The following PCDHA3 variants were observed in gnomAD, a reference collection of about 807,000 sequenced individuals.
The protein encoded by PCDHA3 is protocadherin alpha-3.
In PCDHA3, 41 loss-of-function variants were observed where a neutral mutation model predicts 62.2. That is an observed-to-expected ratio of 0.66 (90% confidence interval 0.51 to 0.86). PCDHA3 has a LOEUF of 0.86. PCDHA3 is among the 40% of genes least tolerant of loss of function. PCDHA3 has a pLI of 0.00. For missense variants in PCDHA3, 1,304 were observed against 1,241.2 expected, an observed-to-expected ratio of 1.05 and a Z score of -0.76; for synonymous variants, 640 against 555.4, an observed-to-expected ratio of 1.15 and a Z score of -2.14.
intron 3 of PCDHA3, among the ~76,000 whole-genome samples, chr5:141,000,412 TA>T (rs2097919630): frequency 4.9e-5 from 5 of 102,770 alleles, no homozygotes; most frequent in Non-Finnish European, 5.8e-5. Context: ...TATATATATA[TA>T]TATATATATT....
At chr5:140,965,951 T>C (rs1484541931) in intron 1 of PCDHA3, among the ~76,000 whole-genome samples, 3 of 152,172 alleles carry the variant, frequency 2.0e-5, no homozygotes, top group East Asian at 1.9e-4. Flanking sequence ...GCATTTGCCA[T>C]CCCCCTCCTT....
chr5:140,973,936 G>A (rs2096608372), intron 1 of PCDHA3, among the ~76,000 whole-genome samples: 1 of 152,334 alleles, frequency 6.6e-6, no homozygotes, highest in Admixed American at 6.5e-5. Context: ...AGGTTTAGCT[G>A]AATATGATGG....
chr5:140,887,456 A>G (rs1291884808), intron 1 of PCDHA3, among the ~76,000 whole-genome samples: 1 of 152,138 alleles, frequency 6.6e-6, no homozygotes, highest in Non-Finnish European at 1.5e-5. Flanking sequence ...CAGTTTTTTA[A>G]AAGATATAAT....
chr5:140,924,531 G>A (rs1194516404), intron 1 of PCDHA3, among the ~76,000 whole-genome samples: 2 of 152,070 alleles, frequency 1.3e-5, no homozygotes, highest in African/African-American at 2.4e-5. Flanking sequence ...GAGAATGCCC[G>A]AGCTACCCCT....
intron 1 of PCDHA3, chr5:140,809,167 G>C: frequency 6.2e-7 from 1 of 1,613,990 alleles, no homozygotes; most frequent in South Asian, 1.1e-5. Context: ...CCGCGCTGAC[G>C]GCCACGGCCA....
chr5:140,984,389 A>T (rs1346769556), intron 3 of PCDHA3, among the ~76,000 whole-genome samples: 2 of 152,208 alleles, frequency 1.3e-5, no homozygotes, highest in African/African-American at 4.8e-5. Flanking sequence ...AGATTCAAAA[A>T]ATGTTGAGAA....
chr5:140,829,438 T>G, intron 1 of PCDHA3: 1 of 1,613,992 alleles, frequency 6.2e-7, no homozygotes, highest in Non-Finnish European at 8.5e-7. Flanking sequence ...CCGACATGAA[T>G]GACAATGCTC....
At chr5:140,881,454 C>A in intron 1 of PCDHA3, 1 of 705,924 alleles carries the variant, frequency 1.4e-6, no homozygotes, top group Non-Finnish European at 1.7e-6. Context: ...AATCCAAAAC[C>A]TTAGAGCATT....
At chr5:140,967,695 T>G in intron 1 of PCDHA3, 1 of 1,614,184 alleles carries the variant, frequency 6.2e-7, no homozygotes, top group Non-Finnish European at 8.5e-7. Flanking sequence ...CTCTTCAGCA[T>G]AGATGCCAGT....
At chr5:140,883,686 A>T in intron 1 of PCDHA3, 1 of 1,613,782 alleles carries the variant, frequency 6.2e-7, no homozygotes, top group South Asian at 1.1e-5. Context: ...CCGGGCTGCC[A>T]CATCTTCACG....
At chr5:140,900,177 A>G (rs1213706705) in intron 1 of PCDHA3, among the ~76,000 whole-genome samples, 1 of 152,194 alleles carries the variant, frequency 6.6e-6, no homozygotes, top group South Asian at 2.1e-4. Context: ...TGCCTGGTTT[A>G]TGTCACTTAT....
At chr5:140,870,295 T>G (rs1037957284) in intron 1 of PCDHA3, 1 of 1,614,054 alleles carries the variant, frequency 6.2e-7, no homozygotes, top group Non-Finnish European at 8.5e-7. Context: ...CAAGCTGGTG[T>G]CCACCTTCAA....
chr5:140,874,903 C>A (rs543752012), intron 1 of PCDHA3, among the ~76,000 whole-genome samples: 1 of 152,054 alleles, frequency 6.6e-6, no homozygotes, highest in Non-Finnish European at 1.5e-5. Context: ...TAAAATCTTA[C>A]GATGGAGTGC....
chr5:140,813,253 A>G (rs1210796090), intron 1 of PCDHA3: 1 of 152,342 alleles, frequency 6.6e-6, no homozygotes, highest in East Asian at 1.9e-4. Context: ...ATCTCCTACT[A>G]CAGTCATTGG....
At chr5:140,875,450 C>T (rs199938092) in intron 1 of PCDHA3, 2 of 1,590,620 alleles carry the variant, frequency 1.3e-6, no homozygotes, top group African/African-American at 1.3e-5. Flanking sequence ...ATTGTCCCAA[C>T]TCAGAGGCCC....
chr5:140,883,412 A>G, intron 1 of PCDHA3: 1 of 1,614,152 alleles, frequency 6.2e-7, no homozygotes, highest in African/African-American at 1.3e-5. Context: ...CTCTGGCTCA[A>G]ATGGACAGGT....
chr5:140,883,674 C>T (rs782029001), intron 1 of PCDHA3: 5 of 1,613,738 alleles, frequency 3.1e-6, no homozygotes, highest in African/African-American at 2.7e-5. Flanking sequence ...GAAAACAATC[C>T]GCCGGGCTGC....
chr5:140,992,798 CAT>C (rs1554253202), intron 3 of PCDHA3, among the ~76,000 whole-genome samples: 1 of 152,076 alleles, frequency 6.6e-6, no homozygotes, highest in African/African-American at 2.4e-5. Context: ...TTTATGGATC[CAT>C]ATGTATCTAA....
Position 140,850,168 on chromosome 5 carries a change from A to G in PCDHA3, c.2394+46577A>G. 6.3e-7 allele frequency: 1 copy of G among 1,594,824 alleles called. No homozygotes were observed. The highest frequency in any genetic ancestry group is 8.6e-7 in the Non-Finnish European group (1 of 1,167,786). ...ACGCTGCAGGTGTTCGTGCTGGACGAGAACGACAATGCGCCGGCGCTGCTG... is the reference window on the plus strand; with the variant it reads ...ACGCTGCAGGTGTTCGTGCTGGACGGGAACGACAATGCGCCGGCGCTGCTG... On this transcript the variant is annotated intron_variant, in intron 1 of 3. Coordinates refer to ENST00000522353, the MANE Select transcript of PCDHA3 (RefSeq NM_018906.3).
Sources: allele counts gnomAD v4.1 joint callset (sites outside exome capture counted in the v4.1 genomes callset), GRCh38; gene constraint gnomAD v4.1.1; transcripts MANE v1.5; gene names NCBI Gene and HGNC (gene_info 2026-07-23, HGNC 2026-07-21).